PARD3: variants seen among roughly 807,000 people sequenced by gnomAD.
PARD3 encodes the protein partitioning defective 3 homolog.
A neutral mutation model predicts 155.4 loss-of-function variants in PARD3; 75 were observed. The ratio of observed to expected loss-of-function variants is 0.48; its 90% CI spans 0.40 to 0.58. PARD3 has a LOEUF of 0.58. PARD3 is among the 20% of genes least tolerant of loss of function. The pLI is 0.00. For missense variants in PARD3, 1,642 were observed against 1,721.7 expected, an observed-to-expected ratio of 0.95 and a Z score of 0.82; for synonymous variants, 576 against 610.5, an observed-to-expected ratio of 0.94 and a Z score of 0.83.
chr10:34,230,963 C>T (rs1464122653), intron 22 of PARD3, among the ~76,000 whole-genome samples: 1 of 152,010 alleles, frequency 6.6e-6, no homozygotes, highest in Non-Finnish European at 1.5e-5. Context: ...GAGTTCAAGG[C>T]TGCAGTGAGC....
At chr10:34,549,147 C>T (rs1478281165) in intron 2 of PARD3, among the ~76,000 whole-genome samples, 1 of 152,182 alleles carries the variant, frequency 6.6e-6, no homozygotes, top group Non-Finnish European at 1.5e-5. Context: ...GATAATTCAA[C>T]TACTAGCAGT....
At chr10:34,518,170 C>A (rs1394909762) in intron 2 of PARD3, among the ~76,000 whole-genome samples, 1 of 152,214 alleles carries the variant, frequency 6.6e-6, no homozygotes, top group East Asian at 1.9e-4. Context: ...TGAGCCACTG[C>A]TCCCGGCCAA....
chr10:34,344,233 T>C lies in PARD3; in HGVS notation c.2219-2417A>G, dbSNP rs939413335. Reference sequence around the variant, plus strand: ...ATGGATGTGCTGGTTAAATTAGTTATGCTGACTATCCCTGTTGCTGGTTTT... The same window carrying C: ...ATGGATGTGCTGGTTAAATTAGTTACGCTGACTATCCCTGTTGCTGGTTTT... On this transcript the variant is annotated intron_variant, in intron 15 of 24. Coordinates refer to ENST00000374788, the MANE Select transcript of PARD3 (RefSeq NM_001184785.2). The C allele has an allele frequency of 1.1e-5, 11 of 985,084 alleles. No individual in the cohort carries two copies. The African/African-American group carries it at 1.6e-4, about 14-fold the overall frequency. The allele number at this position is 985,084 out of a possible 1,614,324, so 61.0% of individuals were successfully genotyped here.
At chr10:34,779,228 C>G (rs1202363160) in intron 1 of PARD3, among the ~76,000 whole-genome samples, 1 of 152,034 alleles carries the variant, frequency 6.6e-6, no homozygotes, top group South Asian at 2.1e-4. Context: ...ATCGCTTGAA[C>G]CTGGGAGGTG....
chr10:34,153,769 C>A (rs1329938981), intron 22 of PARD3, among the ~76,000 whole-genome samples: 1 of 152,122 alleles, frequency 6.6e-6, no homozygotes. Context: ...CTTTTTTCCC[C>A]CTTACCCTTC....
intron 2 of PARD3, among the ~76,000 whole-genome samples, chr10:34,687,912 C>A (rs74359722): frequency 2.5e-5 from 3 of 122,274 alleles, no homozygotes; most frequent in Non-Finnish European, 4.7e-5. Flanking sequence ...TTGAGTAGAG[C>A]AGCGTGATCA....
intron 2 of PARD3, among the ~76,000 whole-genome samples, chr10:34,589,840 T>C (rs961382000): frequency 6.6e-6 from 1 of 152,118 alleles, no homozygotes; most frequent in Non-Finnish European, 1.5e-5. Context: ...CTCAAGTGAT[T>C]CCATGTACAG....
intron 1 of PARD3, among the ~76,000 whole-genome samples, chr10:34,789,575 G>A (rs1388136568): frequency 6.6e-6 from 1 of 151,690 alleles, no homozygotes; most frequent in East Asian, 1.9e-4. Flanking sequence ...ATGATGACAT[G>A]TGTCTGTAGT....
At chr10:34,453,561 T>C (rs909615800) in intron 4 of PARD3, among the ~76,000 whole-genome samples, 2 of 152,184 alleles carry the variant, frequency 1.3e-5, no homozygotes, top group African/African-American at 4.8e-5. Context: ...ATAAGTTGTT[T>C]TAAAAATTGT....
intron 2 of PARD3, among the ~76,000 whole-genome samples, chr10:34,573,104 G>A (rs1479949815): frequency 6.6e-6 from 1 of 152,186 alleles, no homozygotes; most frequent in Non-Finnish European, 1.5e-5. Flanking sequence ...TGTAATGCCA[G>A]CACTTTGGGA....
chr10:34,349,645 A>T (rs1837826986), intron 14 of PARD3, among the ~76,000 whole-genome samples: 1 of 150,588 alleles, frequency 6.6e-6, no homozygotes, highest in Admixed American at 6.6e-5. Flanking sequence ...ATTAAGAACA[A>T]GTATGGTTTT....
intron 2 of PARD3, among the ~76,000 whole-genome samples, chr10:34,688,326 C>T (rs182054967): frequency 5.3e-5 from 8 of 152,214 alleles, no homozygotes; most frequent in Admixed American, 2.6e-4. Context: ...CTGTTGAGAA[C>T]GAAGGGAAGG....
intron 3 of PARD3, among the ~76,000 whole-genome samples, chr10:34,474,567 T>C (rs1033034982): frequency 1.3e-5 from 2 of 152,160 alleles, no homozygotes; most frequent in Non-Finnish European, 2.9e-5. Context: ...AACGGAGGGA[T>C]CTGAAATTTT....
At chr10:34,732,435 A>T (rs2094835571) in intron 1 of PARD3, among the ~76,000 whole-genome samples, 1 of 152,176 alleles carries the variant, frequency 6.6e-6, no homozygotes, top group Non-Finnish European at 1.5e-5. Flanking sequence ...AATGACTGAC[A>T]CTTATAATGG....
At chr10:34,340,962 T>A (rs888333288) in intron 16 of PARD3, among the ~76,000 whole-genome samples, 1 of 152,110 alleles carries the variant, frequency 6.6e-6, no homozygotes, top group Admixed American at 6.5e-5. Flanking sequence ...TGTGAGGTCG[T>A]CCCCAAGAGG....
Position 34,561,769 on chromosome 10 carries a change from C to T in PARD3, c.223-44610G>A, listed in dbSNP as rs186786091. Among the ~76,000 whole-genome samples the T allele has an allele frequency of 2.7e-3, 403 of 151,700 alleles. 2 individuals carry two copies. Among genetic ancestry groups the T allele is most frequent in the African/African-American group, 8.9e-3 (368 of 41,422 alleles). On this transcript the variant is annotated intron_variant, in intron 2 of 24. Coordinates refer to ENST00000374788, the MANE Select transcript of PARD3 (RefSeq NM_001184785.2). ...CCAATCTCAGGTGATCCGCCCACCT[C>T]GGCCTCCCAAAGTGCTGGGATTACA...
chr10:34,142,857 T>G (rs1399180904), intron 22 of PARD3, among the ~76,000 whole-genome samples: 1 of 152,194 alleles, frequency 6.6e-6, no homozygotes, highest in South Asian at 2.1e-4. Context: ...ATTCATTCAA[T>G]AAAACCACTG....
At chr10:34,413,686 C>T (rs1460361185) in intron 5 of PARD3, among the ~76,000 whole-genome samples, 2 of 152,070 alleles carry the variant, frequency 1.3e-5, no homozygotes, top group Non-Finnish European at 2.9e-5. Flanking sequence ...CCACTCCTTA[C>T]GTGGCCAAAT....
At position 34,661,437 on chromosome 10, in the gene PARD3, T is replaced by C. The variant is rs141400559; in HGVS notation, c.222+34881A>G. ...TGATCATGCCTGATTAGGGTCCTTT[T>C]CCCCAAATTTGATGAAAGAACATGA... On this transcript the variant is annotated intron_variant, in intron 2 of 24. Transcript: ENST00000374788. Among the ~76,000 whole-genome samples the C allele has an allele frequency of 6.9e-3, 1,045 of 152,280 alleles. 20 individuals carry two copies. Among genetic ancestry groups the C allele is most frequent in the Admixed American group, 0.034 (523 of 15,282 alleles).
Sources: gnomAD v4.1 joint callset for allele counts (sites outside exome capture counted in the v4.1 genomes callset) on GRCh38, gnomAD v4.1.1 for gene constraint, MANE v1.5 for transcripts, NCBI Gene and HGNC (gene_info 2026-07-23, HGNC 2026-07-21) for gene names.